The following TRAT1 variants were observed in gnomAD, a reference collection of about 807,000 sequenced individuals.
The protein encoded by TRAT1 is T-cell receptor-associated transmembrane adapter 1.
A neutral mutation model predicts 20.0 loss-of-function variants in TRAT1; 20 were observed. That is an observed-to-expected ratio of 1.00 (90% CI 0.70 to 1.45). The LOEUF (loss-of-function observed/expected upper bound fraction) is 1.45, where lower values mean the gene tolerates loss of function less well. TRAT1 is among the 40% of genes most tolerant of loss of function. TRAT1 has a pLI of 0.00. For synonymous variants in TRAT1, 77 were observed against 74.2 expected (o/e 1.04, Z -0.20); for missense variants, 237 against 224.1 (o/e 1.06, Z -0.37).
chr3:108,829,335 G>T (rs952884011), intron 1 of TRAT1, among the ~76,000 whole-genome samples: 1 of 152,094 alleles, frequency 6.6e-6, no homozygotes, highest in African/African-American at 2.4e-5. Flanking sequence ...TGTAATCCCA[G>T]CACTTTGGGA....
At chr3:108,835,628 C>T (rs1444331046) in intron 2 of TRAT1, among the ~76,000 whole-genome samples, 1 of 152,144 alleles carries the variant, frequency 6.6e-6, no homozygotes, top group Non-Finnish European at 1.5e-5. Context: ...ACATTTACAT[C>T]CTAAAAGTAG....
At chr3:108,826,737 A>T (rs563626709) in intron 1 of TRAT1, among the ~76,000 whole-genome samples, 1 of 152,312 alleles carries the variant, frequency 6.6e-6, no homozygotes, top group East Asian at 1.9e-4. Flanking sequence ...TTTACAAGCC[A>T]AGGAAAGCCA....
intron 5 of TRAT1, 37 bp downstream of exon 5, chr3:108,849,291 CAAGAGCAT>C (rs779762714): frequency 1.9e-6 from 3 of 1,546,776 alleles, no homozygotes; most frequent in Non-Finnish European, 2.7e-6. Context: ...TTGCACATTT[CAAGAGCAT>C]AAGAGTAGTA....
intron 2 of TRAT1, among the ~76,000 whole-genome samples, chr3:108,831,724 T>C (rs1273463436): frequency 6.6e-6 from 1 of 151,940 alleles, no homozygotes; most frequent in East Asian, 1.9e-4. Flanking sequence ...AAATTTTTTG[T>C]AGAGATGGGA....
intron 2 of TRAT1, 46 bp from the exon 3 acceptor site, chr3:108,838,888 G>A (rs1407911025): frequency 3.6e-6 from 5 of 1,404,676 alleles, no homozygotes; most frequent in Non-Finnish European, 5.1e-6. Flanking sequence ...TTTAACAAAG[G>A]TATGTCAACA....
At chr3:108,831,538 CTT>C (rs779234270) in intron 2 of TRAT1, among the ~76,000 whole-genome samples, 144 of 132,052 alleles carry the variant, frequency 1.1e-3, no homozygotes, top group Middle Eastern at 4.1e-3. Context: ...TGGAAGGTAT[CTT>C]TTTTTTTTTT....
chr3:108,831,925 C>T (rs773799924), intron 2 of TRAT1, among the ~76,000 whole-genome samples: 17 of 152,006 alleles, frequency 1.1e-4, no homozygotes, highest in Non-Finnish European at 2.1e-4. Context: ...AAATGCATTT[C>T]CTTTTAACAG....
At chr3:108,827,550 A>C (rs1213982568) in intron 1 of TRAT1, among the ~76,000 whole-genome samples, 1 of 152,058 alleles carries the variant, frequency 6.6e-6, no homozygotes, top group Non-Finnish European at 1.5e-5. Context: ...AAATTGTGAA[A>C]GATATTAAGA....
chr3:108,833,799 TACACACACACACACACAC>T (rs3054303), intron 2 of TRAT1, among the ~76,000 whole-genome samples: 1 of 146,636 alleles, frequency 6.8e-6, no homozygotes, highest in Admixed American at 6.8e-5. Flanking sequence ...TTGTAAGAAT[TACACACACACACACACAC>T]ACACACACAC....
intron 3 of TRAT1, among the ~76,000 whole-genome samples, chr3:108,840,856 TC>T (rs1945890733): frequency 6.6e-6 from 1 of 152,186 alleles, no homozygotes; most frequent in South Asian, 2.1e-4. Context: ...CAGAGATAGT[TC>T]CCCAAGCCTC....
chr3:108,840,845 T>A (rs1476461429), intron 3 of TRAT1, among the ~76,000 whole-genome samples: 1 of 152,240 alleles, frequency 6.6e-6, no homozygotes, highest in Non-Finnish European at 1.5e-5. Context: ...TAAGATTCAT[T>A]CAGAGATAGT....
rs541806635 is a variant in TRAT1, at chr3:108,828,648, G to A, written c.8-2022G>A. Among the ~76,000 whole-genome samples the A allele has an allele frequency of 2.8e-4, 43 of 152,242 alleles. No individual in the cohort carries two copies. The South Asian group carries it at 7.5e-3, about 26-fold the overall frequency. ...CCTTGAAATTAATGTATTCAATGAAGAGTTTCATATGGCTTCTTTGTCTTA... is the reference window on the plus strand; with the variant it reads ...CCTTGAAATTAATGTATTCAATGAAAAGTTTCATATGGCTTCTTTGTCTTA... On this transcript the variant is annotated intron_variant, in intron 1 of 5. Coordinates refer to ENST00000295756, the MANE Select transcript of TRAT1 (RefSeq NM_016388.4).
At chr3:108,839,733 A>G (rs953160533) in intron 3 of TRAT1, among the ~76,000 whole-genome samples, 10 of 152,170 alleles carry the variant, frequency 6.6e-5, no homozygotes, top group African/African-American at 2.4e-4. Flanking sequence ...ATGTCAATCA[A>G]TAGGGAAACG....
At chr3:108,844,278 C>T (rs1273467257) in intron 3 of TRAT1, among the ~76,000 whole-genome samples, 1 of 150,580 alleles carries the variant, frequency 6.6e-6, no homozygotes, top group Non-Finnish European at 1.5e-5. Flanking sequence ...ACAATCTAAA[C>T]TTAGAGAATT....
chr3:108,852,368 C>T (rs1198907875), intron 5 of TRAT1, among the ~76,000 whole-genome samples: 5 of 148,524 alleles, frequency 3.4e-5, no homozygotes, highest in Non-Finnish European at 7.4e-5. Context: ...GTGACAAGAG[C>T]GAAAGTCCAT....
intron 1 of TRAT1, 113 bp from the exon 2 acceptor site, chr3:108,830,557 G>T: frequency 1.4e-6 from 1 of 711,482 alleles, no homozygotes; most frequent in South Asian, 1.8e-5. Flanking sequence ...TCCCGGTAGA[G>T]ACTGTGTACT....
chr3:108,835,895 GTATTTATTTATTTATTTATT>G (rs67112821), intron 2 of TRAT1, among the ~76,000 whole-genome samples: 108 of 150,012 alleles, frequency 7.2e-4, no homozygotes, highest in Admixed American at 1.3e-3. Flanking sequence ...TTGTTTGTTT[GTATTTATTTATTTATTTATT>G]TATTTATTTA....
rs775017398 is a variant in TRAT1 at position 108,830,790 on chromosome 3, T to G, written c.118+10T>G. ...GAAAAGCAACGACAAGGTAAGACAT[T>G]TTGACAAATTTCACATGGTACCTGC... On this transcript the variant is annotated intron_variant, in intron 2 of 5. Coordinates refer to ENST00000295756, the MANE Select transcript of TRAT1 (RefSeq NM_016388.4). The G allele has an allele frequency of 6.4e-7, 1 of 1,570,982 alleles. No individual in the cohort carries two copies. Among genetic ancestry groups the G allele is most frequent in the Non-Finnish European group, 8.8e-7 (1 of 1,140,816 alleles).
intron 4 of TRAT1, 91 bp from the exon 5 acceptor site, chr3:108,849,075 T>C (rs1345029202): frequency 6.3e-6 from 7 of 1,120,000 alleles, no homozygotes; most frequent in Admixed American, 2.1e-5. Flanking sequence ...AGTTTATATT[T>C]GCAGCCAAAT....
Sources: allele counts gnomAD v4.1 joint callset (sites outside exome capture counted in the v4.1 genomes callset), GRCh38; gene constraint gnomAD v4.1.1; transcripts MANE v1.5; gene names NCBI Gene and HGNC (gene_info 2026-07-23, HGNC 2026-07-21).